Variants in CEP120 observed in about 807,000 individuals in gnomAD.
CEP120 encodes centrosomal protein of 120 kDa.
A neutral mutation model predicts 126.5 loss-of-function variants in CEP120; 113 were observed. The observed-to-expected ratio is 0.89, with a 90% CI of 0.77 to 1.04. The LOEUF (loss-of-function observed/expected upper bound fraction) is 1.04. CEP120 is among the 50% of genes least tolerant of loss of function. The pLI is 0.00. For missense variants in CEP120, 1,230 were observed against 1,155.7 expected (o/e 1.06, Z -0.93); for synonymous variants, 400 against 394.3 (o/e 1.01, Z -0.17).
At chr5:123,383,360 T>G (rs1411560285) in intron 11 of CEP120, among the ~76,000 whole-genome samples, 1 of 152,146 alleles carries the variant, frequency 6.6e-6, no homozygotes, top group East Asian at 1.9e-4. Context: ...AAAATCTTAC[T>G]GCCCACAGGT....
At chr5:123,401,011 T>C in intron 4 of CEP120, 1 of 1,559,948 alleles carries the variant, frequency 6.4e-7, no homozygotes, top group Non-Finnish European at 8.7e-7. Flanking sequence ...CTGGTGCGGC[T>C]GAAGGAGCTG....
chr5:123,346,901 G>A, intron 19 of CEP120, 148 bp from the exon 20 acceptor site: 1 of 573,210 alleles, frequency 1.7e-6, no homozygotes, highest in East Asian at 3.0e-5. Context: ...TGTTCCACTT[G>A]GCTAGTCAGA....
At chr5:123,382,054 C>A in intron 14 of CEP120, 57 bp downstream of exon 14, 1 of 1,191,258 alleles carries the variant, frequency 8.4e-7, no homozygotes, top group Non-Finnish European at 1.2e-6. Flanking sequence ...AACGCAAATA[C>A]AAGATATTAT....
chr5:123,384,241 T>C (rs961623199), intron 11 of CEP120, among the ~76,000 whole-genome samples: 4 of 152,030 alleles, frequency 2.6e-5, no homozygotes, highest in Non-Finnish European at 5.9e-5. Context: ...TGGTGAGGAA[T>C]AAGGAAAGAC....
intron 16 of CEP120, 103 bp from the exon 17 acceptor site, chr5:123,372,875 C>A: frequency 1.1e-6 from 1 of 887,758 alleles, no homozygotes; most frequent in Non-Finnish European, 1.7e-6. Context: ...ACAGCATGCT[C>A]ATAGTAGAAA....
In CEP120 at chr5:123,419,066, C is replaced by T. The variant is rs1580748428; in HGVS notation, c.50-551G>A. ...AAACATTAGTGTGCACATGAATCAC[C>T]TAGGGACCCTGTTAAAATGTAGATT... On this transcript the variant is annotated intron_variant, in intron 1 of 19. Transcript: ENST00000306467. 2.0e-5 allele frequency among the ~76,000 whole-genome samples: 3 copies of T among 152,240 alleles called. No homozygotes were observed. The East Asian group carries it at 5.8e-4, about 29-fold the overall frequency.
intron 8 of CEP120, among the ~76,000 whole-genome samples, chr5:123,388,898 A>C (rs1350908930): frequency 2.0e-5 from 3 of 152,262 alleles, no homozygotes; most frequent in African/African-American, 7.2e-5. Flanking sequence ...AGAAGGCACT[A>C]ACTTATTTCC....
intron 7 of CEP120, 98 bp from the exon 8 acceptor site, chr5:123,390,238 T>C: frequency 1.1e-6 from 1 of 928,488 alleles, no homozygotes; most frequent in Non-Finnish European, 1.7e-6. Flanking sequence ...TAAGCTTCCT[T>C]TCCCAGTTTG....
chr5:123,394,228 C>T (rs528837446), intron 5 of CEP120, among the ~76,000 whole-genome samples: 2 of 152,284 alleles, frequency 1.3e-5, no homozygotes, highest in East Asian at 3.9e-4. Context: ...AATAATAACA[C>T]ATTAACATGA....
chr5:123,377,193 T>C (rs1771290629), intron 16 of CEP120, among the ~76,000 whole-genome samples, 181 bp downstream of exon 16: 1 of 152,140 alleles, frequency 6.6e-6, no homozygotes, highest in Admixed American at 6.6e-5. Flanking sequence ...ATGCACAATT[T>C]CATACAAAAT....
In CEP120 at chr5:123,389,978, C is replaced by T; in HGVS notation, c.1201G>A (p.Glu401Lys). ...TACTGTAAACTTTCCACTTCACTTT[C>T]TGTTGCATCATCTTTTGTTGGAGGT... ...QSPPTKDDATESEVESLQYDK... is the reference protein window; with the variant it reads ...QSPPTKDDATKSEVESLQYDK... Residue 401 changes from glutamate (E) to lysine (K), a missense_variant, in exon 8 of 20, where the codon GAA (glutamate) becomes AAA (lysine). Coordinates refer to ENST00000306467, the MANE Select transcript of CEP120 (RefSeq NM_001375405.1). 6.2e-7 allele frequency: 1 copy of T among 1,614,168 alleles called. No homozygotes were observed. The highest frequency in any genetic ancestry group is 8.5e-7 in the Non-Finnish European group (1 of 1,180,020).
rs112515362 is a variant in CEP120, at chr5:123,423,311, C to A, written c.-313G>T. 4 of 385,536 alleles carry A rather than the reference C, an allele frequency of 1.0e-5. No individual in the cohort carries two copies. The highest frequency in any genetic ancestry group is 1.4e-5 in the Non-Finnish European group (3 of 213,688). 23.9% of individuals were successfully genotyped at this position (385,536 alleles called of 1,614,324 possible). A position where few individuals can be genotyped will look rare whatever the true frequency, so the allele number is the denominator to read the frequency against. ...GCCGCCTGCGTAGCCGCTTTTCAAA[C>A]GCCCGGGCGGCCGCAGCGGCCGCCG... is the stretch of plus-strand genomic sequence containing the variant. On this transcript the variant is annotated 5_prime_UTR_variant, in exon 1 of 20. Coordinates refer to ENST00000306467, the MANE Select transcript of CEP120 (RefSeq NM_001375405.1).
chr5:123,354,542 ATTTTT>A (rs1316051481), intron 18 of CEP120, among the ~76,000 whole-genome samples: 4 of 151,634 alleles, frequency 2.6e-5, no homozygotes, highest in Non-Finnish European at 4.4e-5. Context: ...AGCTCTATTA[ATTTTT>A]TTTATCTAAT....
intron 18 of CEP120, among the ~76,000 whole-genome samples, chr5:123,350,807 A>G (rs1769151178): frequency 6.6e-6 from 1 of 152,234 alleles, no homozygotes; most frequent in Non-Finnish European, 1.5e-5. Context: ...AAGTTTAACA[A>G]TTCTTCAGGT....
rs1480665917 is a variant in CEP120 at position 123,391,172 on chromosome 5, C to T, written c.976G>A (p.Val326Met). ...ACTCCCACAGTTGGGGCTAGCTCCA[C>T]AGGAATAGGTGCAAGCTTCTGTTTG... is the stretch of plus-strand genomic sequence containing the variant. ...RAKQKLAPIP[V>M]ELAPTVGVSV... The change falls in exon 7 of 20, where the codon GTG becomes ATG. Residue 326 changes from valine to methionine, a missense_variant. Transcript: ENST00000306467. 1.2e-6 allele frequency: 2 copies of T among 1,614,012 alleles called. No individual in the cohort carries two copies. Among genetic ancestry groups the T allele is most frequent in the South Asian group, 1.1e-5 (1 of 91,074 alleles).
chr5:123,362,585 T>G (rs1770167303), intron 18 of CEP120, among the ~76,000 whole-genome samples: 1 of 151,772 alleles, frequency 6.6e-6, no homozygotes, highest in South Asian at 2.1e-4. Context: ...TTGTCAGGAT[T>G]AAATGATAAA....
chr5:123,351,355 T>C (rs1769186994), intron 18 of CEP120, among the ~76,000 whole-genome samples: 1 of 152,226 alleles, frequency 6.6e-6, no homozygotes, highest in Admixed American at 6.5e-5. Flanking sequence ...TAGTTAATCA[T>C]TTACATTATT....
chr5:123,370,553 T>C (rs966568273), intron 17 of CEP120, among the ~76,000 whole-genome samples: 1 of 151,642 alleles, frequency 6.6e-6, no homozygotes, highest in Admixed American at 6.6e-5. Flanking sequence ...CATGGCTCAC[T>C]GTAGTCTCAA....
At chr5:123,406,030 G>A (rs924955270) in intron 4 of CEP120, among the ~76,000 whole-genome samples, 1 of 152,100 alleles carries the variant, frequency 6.6e-6, no homozygotes, top group African/African-American at 2.4e-5. Context: ...AAAAAGAAAT[G>A]CTAGAGACAA....
Sources: gnomAD v4.1 joint callset for allele counts (sites outside exome capture counted in the v4.1 genomes callset) on GRCh38, gnomAD v4.1.1 for gene constraint, MANE v1.5 for transcripts, NCBI Gene and HGNC (gene_info 2026-07-23, HGNC 2026-07-21) for gene names.